Variants in NKAIN3 observed in about 807,000 individuals in gnomAD.
The protein encoded by NKAIN3 is sodium/potassium-transporting ATPase subunit beta-1-interacting protein 3.
NKAIN3 carries 25 observed loss-of-function variants against 30.2 expected under a neutral mutation model. That is an observed-to-expected ratio of 0.83 (90% CI 0.60 to 1.16). The LOEUF (loss-of-function observed/expected upper bound fraction) is 1.16. NKAIN3 is among the 50% of genes most tolerant of loss of function. The probability of loss-of-function intolerance (pLI) is 0.00; values close to 1 mark genes in which losing one functional copy is unlikely to be tolerated. For missense variants in NKAIN3, 225 were observed against 254.1 expected (o/e 0.89, Z 0.78); for synonymous variants, 91 against 89.6 (o/e 1.02, Z -0.09).
chr8:62,963,203 T>A (rs187599234), intron 6 of NKAIN3, among the ~76,000 whole-genome samples: 1 of 152,282 alleles, frequency 6.6e-6, no homozygotes, highest in African/African-American at 2.4e-5. Context: ...CTGTTTGATT[T>A]TTTAAAATTC....
At chr8:62,614,935 A>G (rs1811404444) in intron 3 of NKAIN3, among the ~76,000 whole-genome samples, 2 of 152,160 alleles carry the variant, frequency 1.3e-5, no homozygotes, top group African/African-American at 4.8e-5. Context: ...CAGAAATGCT[A>G]TTTAGGAGTC....
At chr8:62,478,058 A>T (rs929741194) in intron 1 of NKAIN3, among the ~76,000 whole-genome samples, 3 of 152,168 alleles carry the variant, frequency 2.0e-5, no homozygotes, top group Non-Finnish European at 4.4e-5. Flanking sequence ...CCCACTCATG[A>T]CCTAATAACT....
chr8:62,586,303 A>G (rs1206035323), intron 2 of NKAIN3, among the ~76,000 whole-genome samples: 1 of 152,174 alleles, frequency 6.6e-6, no homozygotes, highest in African/African-American at 2.4e-5. Flanking sequence ...CCTCTTCACC[A>G]GTTATTGGCT....
At position 62,531,032 on chromosome 8, in the gene NKAIN3, G is replaced by C. The variant is rs977524092; in HGVS notation, c.55-48507G>C. On this transcript the variant is annotated intron_variant, in intron 1 of 6. Transcript: ENST00000623646. Reference sequence around the variant, plus strand: ...AAGCAACCACACTCCAGGAATCCTGGTTTGCATAATGTTCATATGTTTTCT... The same window carrying C: ...AAGCAACCACACTCCAGGAATCCTGCTTTGCATAATGTTCATATGTTTTCT... Among the ~76,000 whole-genome samples the C allele has an allele frequency of 3.3e-5, 5 of 152,096 alleles. No individual in the cohort carries two copies. In the South Asian group the frequency reaches 1.0e-3, roughly 32 times the overall value.
chr8:62,941,969 A>G (rs1822968110), intron 5 of NKAIN3, among the ~76,000 whole-genome samples: 1 of 152,038 alleles, frequency 6.6e-6, no homozygotes, highest in African/African-American at 2.4e-5. Flanking sequence ...GAGAAAGTCA[A>G]ACTGTCACTG....
intron 3 of NKAIN3, among the ~76,000 whole-genome samples, chr8:62,632,695 G>A (rs1166146463): frequency 1.3e-5 from 2 of 151,944 alleles, no homozygotes; most frequent in African/African-American, 4.8e-5. Flanking sequence ...TAGAGACGGG[G>A]TTTCACCATG....
intron 4 of NKAIN3, among the ~76,000 whole-genome samples, chr8:62,908,453 A>G (rs1821843794): frequency 6.6e-6 from 1 of 152,046 alleles, no homozygotes; most frequent in African/African-American, 2.4e-5. Flanking sequence ...AGGGGCCAGG[A>G]GTGGAATGTT....
rs545079377 is a variant in NKAIN3, at chr8:62,966,480, C to T, written c.*1073C>T. ...GTAAAATGCACAAATATTAATGGTACGATTTGATTAGTTTTGAAAAATGTA... is the reference window on the plus strand; with the variant it reads ...GTAAAATGCACAAATATTAATGGTATGATTTGATTAGTTTTGAAAAATGTA... On this transcript the variant is annotated 3_prime_UTR_variant, in exon 7 of 7. Coordinates refer to ENST00000623646, the MANE Select transcript of NKAIN3 (RefSeq NM_001304533.3). 135 of 728,372 alleles carry T rather than the reference C, an allele frequency of 1.9e-4. No homozygotes were observed. Among genetic ancestry groups the T allele is most frequent in the East Asian group, 1.2e-3 (9 of 7,600 alleles). 45.1% of individuals were successfully genotyped at this position (728,372 alleles called of 1,614,324 possible). A position where few individuals can be genotyped will look rare whatever the true frequency, so the allele number is the denominator to read the frequency against.
chr8:62,890,248 T>C (rs1821262861), intron 4 of NKAIN3, among the ~76,000 whole-genome samples: 1 of 152,216 alleles, frequency 6.6e-6, no homozygotes, highest in South Asian at 2.1e-4. Context: ...TATGGAAGCA[T>C]TTTTATGCTC....
chr8:62,596,884 G>A (rs1178537123), intron 3 of NKAIN3, among the ~76,000 whole-genome samples: 1 of 152,058 alleles, frequency 6.6e-6, no homozygotes, highest in African/African-American at 2.4e-5. Context: ...GTTAAGAGTT[G>A]CACAAGTGCA....
At chr8:62,253,780 A>C (rs932755502) in intron 1 of NKAIN3, among the ~76,000 whole-genome samples, 2 of 152,186 alleles carry the variant, frequency 1.3e-5, no homozygotes, top group Admixed American at 6.6e-5. Flanking sequence ...TAGCTGTGGT[A>C]ACATGTTTTT....
chr8:62,680,669 C>T (rs1007285410), intron 3 of NKAIN3, among the ~76,000 whole-genome samples: 3 of 151,960 alleles, frequency 2.0e-5, no homozygotes, highest in Non-Finnish European at 4.4e-5. Flanking sequence ...TGTCTTCTGC[C>T]CTAAAATTCA....
rs971682825 is a variant in NKAIN3 at position 62,419,706 on chromosome 8, C to G, written c.55-159833C>G. ...TTCATTATAGCAGTCCTGAGATAAT[C>G]AAGAAGAAATGCTGGCTGCCATTCA... On this transcript the variant is annotated intron_variant, in intron 1 of 6. Coordinates refer to ENST00000623646, the MANE Select transcript of NKAIN3 (RefSeq NM_001304533.3). Among the ~76,000 whole-genome samples the G allele has an allele frequency of 2.0e-5, 3 of 152,134 alleles. 1 individual carries two copies. The highest frequency in any genetic ancestry group is 2.0e-4 in the Admixed American group (3 of 15,252).
intron 1 of NKAIN3, among the ~76,000 whole-genome samples, chr8:62,369,056 C>T (rs1047255826): frequency 6.6e-6 from 1 of 152,038 alleles, no homozygotes; most frequent in Admixed American, 6.6e-5. Context: ...CTCTTCATTT[C>T]CATGAGTCAC....
chr8:62,933,717 C>T (rs1822691858), intron 5 of NKAIN3, among the ~76,000 whole-genome samples: 1 of 152,158 alleles, frequency 6.6e-6, no homozygotes, highest in South Asian at 2.1e-4. Context: ...TCTGGACTCA[C>T]AGTGGGAGCA....
intron 1 of NKAIN3, among the ~76,000 whole-genome samples, chr8:62,282,702 C>G: frequency 6.6e-6 from 1 of 152,098 alleles, no homozygotes; most frequent in Non-Finnish European, 1.5e-5. Context: ...TGGTGACTGC[C>G]AGGGAATTTT....
chr8:62,699,237 CA>C (rs1814256489), intron 3 of NKAIN3, among the ~76,000 whole-genome samples: 1 of 152,004 alleles, frequency 6.6e-6, no homozygotes, highest in Non-Finnish European at 1.5e-5. Context: ...AAAAGCTGTT[CA>C]AAAAAGGTCA....
intron 1 of NKAIN3, among the ~76,000 whole-genome samples, chr8:62,357,327 G>A (rs947675637): frequency 6.6e-6 from 1 of 150,900 alleles, no homozygotes; most frequent in Non-Finnish European, 1.5e-5. Context: ...GCTGAGGCAG[G>A]AGGACTACTT....
chr8:62,906,173 T>C (rs1409504365), intron 4 of NKAIN3, among the ~76,000 whole-genome samples: 1 of 152,204 alleles, frequency 6.6e-6, no homozygotes, highest in African/African-American at 2.4e-5. Context: ...GCACTGTGAA[T>C]AAAAGTCCTC....
Sources: gnomAD v4.1 joint callset for allele counts (sites outside exome capture counted in the v4.1 genomes callset) on GRCh38, gnomAD v4.1.1 for gene constraint, MANE v1.5 for transcripts, NCBI Gene and HGNC (gene_info 2026-07-23, HGNC 2026-07-21) for gene names.